Variants in MFF observed in about 807,000 individuals in gnomAD.
MFF encodes the protein chromosome 2 open reading frame 33.
A neutral mutation model predicts 36.9 loss-of-function variants in MFF; 12 were observed. The ratio of observed to expected loss-of-function variants is 0.33; its 90% CI spans 0.21 to 0.53. The LOEUF (loss-of-function observed/expected upper bound fraction) is 0.53. MFF is among the 20% of genes least tolerant of loss of function. The pLI is 0.95. For missense variants in MFF, 348 were observed against 366.6 expected (o/e 0.95, Z 0.42); for synonymous variants, 99 against 126.2 (o/e 0.78, Z 1.44).
intron 5 of MFF, among the ~76,000 whole-genome samples, chr2:227,341,193 G>A (rs909368840): frequency 2.6e-5 from 4 of 151,960 alleles, no homozygotes; most frequent in Admixed American, 1.3e-4. Context: ...TTATATTACA[G>A]CATATTAATC....
At chr2:227,344,481 C>A (rs1157969871) in intron 5 of MFF, among the ~76,000 whole-genome samples, 2 of 152,252 alleles carry the variant, frequency 1.3e-5, no homozygotes, top group East Asian at 3.9e-4. Flanking sequence ...CATTTTAGCT[C>A]CTGTCAAACT....
rs751229990 is a variant in MFF, at chr2:227,330,815, A to G, written c.150A>G (p.Ile50Met). Residue 50 changes from isoleucine to methionine, a missense_variant, in exon 3 of 9, where the codon ATA becomes ATG. Coordinates refer to ENST00000304593, the MANE Select transcript of MFF (RefSeq NM_001277062.2). ...FQEGVPNASV[I>M]MQVPERIVVA... ...AAGGAGTTCCAAATGCTAGTGTGAT[A>G]ATGCAAGTTCCGGAGAGGATTGTTG... The G allele has an allele frequency of 3.1e-6, 5 of 1,614,210 alleles. No individual in the cohort carries two copies. The South Asian group carries it at 4.4e-5, about 14-fold the overall frequency.
At chr2:227,338,103 C>T (rs2075140241) in intron 4 of MFF, among the ~76,000 whole-genome samples, 1 of 150,124 alleles carries the variant, frequency 6.7e-6, no homozygotes, top group Admixed American at 6.7e-5. Context: ...CATGGTGGCT[C>T]ACACCTGTAA....
rs777451654 is a variant in MFF, at chr2:227,352,524, CGTG to C, written c.615_617del (p.Gly206del). 17 of 1,613,610 alleles carry C rather than the reference CGTG, an allele frequency of 1.1e-5. No individual in the cohort carries two copies. In the East Asian group the frequency reaches 3.8e-4, roughly 36 times the overall value. Reference sequence around the variant, plus strand: ...AAAAACCTGCCTTAGACCTGTGTTGCGTGGTGGGTCTGCTGCCGCCACTTCTAA... The same window carrying C: ...AAAAACCTGCCTTAGACCTGTGTTGCGTGGGTCTGCTGCCGCCACTTCTAA... On this transcript the variant is annotated inframe_deletion, in exon 7 of 9. Transcript: ENST00000304593.
In MFF at chr2:227,342,168, G is replaced by A. The variant is rs79241729; in HGVS notation, c.440+1788G>A. 7.9e-5 allele frequency among the ~76,000 whole-genome samples: 12 copies of A among 151,780 alleles called. No individual in the cohort carries two copies. In the East Asian group the frequency reaches 2.3e-3, roughly 29 times the overall value. On this transcript the variant is annotated intron_variant, in intron 5 of 8. Coordinates refer to ENST00000304593, the MANE Select transcript of MFF (RefSeq NM_001277062.2). ...TCTCATTTTTGATAGTAAAAGTAATGAATCTTTATACATTTTCACAGTGAA... is the reference window on the plus strand; with the variant it reads ...TCTCATTTTTGATAGTAAAAGTAATAAATCTTTATACATTTTCACAGTGAA...
chr2:227,325,465 C>T (rs556765826), intron 1 of MFF, 38 bp downstream of exon 1: 9 of 151,802 alleles, frequency 5.9e-5, no homozygotes, highest in African/African-American at 2.2e-4. Flanking sequence ...GACCTGCCGC[C>T]CGAGCTGGCT....
At chr2:227,329,908 T>G (rs2074448617) in intron 2 of MFF, 2 of 537,818 alleles carry the variant, frequency 3.7e-6, no homozygotes, top group African/African-American at 2.5e-5. Flanking sequence ...GGCGGCAACA[T>G]TCTTTCTACT....
intron 6 of MFF, among the ~76,000 whole-genome samples, chr2:227,350,381 T>C (rs943062572): frequency 6.6e-6 from 1 of 152,182 alleles, no homozygotes; most frequent in African/African-American, 2.4e-5. Flanking sequence ...TTAGTTCCTG[T>C]GTAAGAACCT....
intron 4 of MFF, 87 bp from the exon 5 acceptor site, chr2:227,340,205 C>G: frequency 9.4e-7 from 1 of 1,068,172 alleles, no homozygotes; most frequent in Non-Finnish European, 1.4e-6. Flanking sequence ...TTTTGAGTAG[C>G]CTTGTATCGA....
intron 5 of MFF, among the ~76,000 whole-genome samples, chr2:227,343,567 TTG>T (rs762420479): frequency 5.9e-5 from 9 of 152,202 alleles, no homozygotes; most frequent in Non-Finnish European, 7.4e-5. Context: ...ATTAATATAT[TTG>T]TGTTTTAGTG....
At chr2:227,347,418 T>A in intron 6 of MFF, 34 bp downstream of exon 6, 1 of 1,607,276 alleles carries the variant, frequency 6.2e-7, no homozygotes, top group Non-Finnish European at 8.5e-7. Flanking sequence ...GACAGCTTTA[T>A]TGCATATTTT....
At chr2:227,348,285 CT>C (rs1392753935) in intron 6 of MFF, among the ~76,000 whole-genome samples, 1 of 152,152 alleles carries the variant, frequency 6.6e-6, no homozygotes, top group Non-Finnish European at 1.5e-5. Flanking sequence ...ACTGGACAAA[CT>C]TTTTCTTGTT....
At chr2:227,327,781 TTTA>T (rs2074267858) in intron 1 of MFF, among the ~76,000 whole-genome samples, 2 of 152,202 alleles carry the variant, frequency 1.3e-5, no homozygotes, top group East Asian at 1.9e-4. Context: ...TTGGTTCTCG[TTTA>T]TTATTATAAA....
chr2:227,340,919 G>A (rs1194182116), intron 5 of MFF, among the ~76,000 whole-genome samples: 2 of 152,094 alleles, frequency 1.3e-5, no homozygotes, highest in African/African-American at 2.4e-5. Flanking sequence ...CAAACAAAAT[G>A]TTCTTCGAAA....
chr2:227,352,454 T>G (rs2076045491), intron 6 of MFF, 60 bp from the exon 7 acceptor site: 1 of 1,244,496 alleles, frequency 8.0e-7, no homozygotes. Context: ...TGCTTTTATT[T>G]TATTACTTCT....
chr2:227,355,870 A>C, intron 8 of MFF, 109 bp downstream of exon 8: 1 of 657,450 alleles, frequency 1.5e-6, no homozygotes, highest in Non-Finnish European at 2.7e-6. Context: ...CTATCAAACT[A>C]GTAAGCCATC....
intron 6 of MFF, among the ~76,000 whole-genome samples, chr2:227,349,697 T>G (rs534513551): frequency 6.6e-6 from 1 of 152,130 alleles, no homozygotes; most frequent in Non-Finnish European, 1.5e-5. Context: ...TTTATTTCCT[T>G]TGTGAGAAGT....
chr2:227,342,027 A>G (rs1031595572), intron 5 of MFF, among the ~76,000 whole-genome samples: 1 of 152,144 alleles, frequency 6.6e-6, no homozygotes, highest in African/African-American at 2.4e-5. Context: ...TATTTACTCA[A>G]TAACATAAGT....
intron 7 of MFF, among the ~76,000 whole-genome samples, chr2:227,353,991 A>G (rs934698262): frequency 2.0e-5 from 3 of 152,148 alleles, no homozygotes; most frequent in Non-Finnish European, 4.4e-5. Context: ...TCCACTAATC[A>G]TTTGTAAACC....
Sources: allele counts gnomAD v4.1 joint callset (sites outside exome capture counted in the v4.1 genomes callset), GRCh38; gene constraint gnomAD v4.1.1; transcripts MANE v1.5; gene names NCBI Gene and HGNC (gene_info 2026-07-23, HGNC 2026-07-21).